Variants in TRIT1 observed in about 807,000 individuals in gnomAD.
TRIT1 encodes tRNA isopentenyltransferase 1, also known as tRNA dimethylallyltransferase.
Under a neutral mutation model 51.2 loss-of-function variants are expected in TRIT1, and 43 were observed. That is an observed-to-expected ratio of 0.84 (90% CI 0.66 to 1.08). The LOEUF is 1.08. TRIT1 is among the 50% of genes least tolerant of loss of function. The probability of loss-of-function intolerance (pLI) is 0.00; values close to 1 mark genes in which losing one functional copy is unlikely to be tolerated. For synonymous variants in TRIT1, 184 were observed against 203.9 expected (o/e 0.90, Z 0.83); for missense variants, 528 against 578.4 (o/e 0.91, Z 0.89).
chr1:39,846,393 A>G (rs1269056624), intron 8 of TRIT1, among the ~76,000 whole-genome samples: 2 of 152,262 alleles, frequency 1.3e-5, no homozygotes, highest in Non-Finnish European at 2.9e-5. Flanking sequence ...TCCACAAGAT[A>G]AAACTGAAGT....
intron 1 of TRIT1, among the ~76,000 whole-genome samples, chr1:39,861,313 CA>C (rs369698149): frequency 3.4e-3 from 524 of 152,156 alleles, no homozygotes; most frequent in African/African-American, 0.012. Flanking sequence ...CCCAGGAGTT[CA>C]AAATCAACCT....
At chr1:39,866,106 AAGG>A (rs1263699500) in intron 1 of TRIT1, among the ~76,000 whole-genome samples, 7 of 150,594 alleles carry the variant, frequency 4.6e-5, no homozygotes, top group Non-Finnish European at 7.4e-5. Context: ...GGAAGGAAGG[AAGG>A]AAGGAAGGAA....
intron 1 of TRIT1, 74 bp downstream of exon 1, chr1:39,883,244 T>C (rs1644318411): frequency 1.3e-6 from 2 of 1,509,688 alleles, no homozygotes; most frequent in African/African-American, 2.8e-5. Context: ...GGTTCACCCT[T>C]TAAGACCTTT....
chr1:39,869,795 G>T (rs1413782163), intron 1 of TRIT1, among the ~76,000 whole-genome samples: 1 of 150,368 alleles, frequency 6.7e-6, no homozygotes. Context: ...CTGCCCGGCC[G>T]CCCCGTCTGA....
At chr1:39,848,210 A>T in intron 5 of TRIT1, 113 bp from the exon 6 acceptor site, 1 of 721,996 alleles carries the variant, frequency 1.4e-6, no homozygotes, top group Non-Finnish European at 2.4e-6. Flanking sequence ...AAACGGAAGA[A>T]AGAATTCAGA....
chr1:39,863,946 C>T (rs750695557), intron 1 of TRIT1, among the ~76,000 whole-genome samples: 3 of 152,096 alleles, frequency 2.0e-5, no homozygotes. Flanking sequence ...GGCTGGGGTG[C>T]AGTGGTGTGA....
At chr1:39,866,030 A>G (rs1643529717) in intron 1 of TRIT1, among the ~76,000 whole-genome samples, 1 of 151,028 alleles carries the variant, frequency 6.6e-6, no homozygotes, top group African/African-American at 2.4e-5. Context: ...AAGAAAGAAA[A>G]GAAAAGAAAA....
In TRIT1 at chr1:39,857,395, A is replaced by G; in HGVS notation, c.197T>C (p.Ile66Thr). The G allele has an allele frequency of 6.2e-7, 1 of 1,614,136 alleles. No individual in the cohort carries two copies. Among genetic ancestry groups the G allele is most frequent in the African/African-American group, 1.3e-5 (1 of 75,050 alleles). The part of the protein sequence containing the change: ...SMQVYEGLDI[I>T]TNKVSAQEQR... Reference sequence around the variant, plus strand: ...CTCTTGGGCAGAAACCTTGTTGGTGATGATGTCTAGGCCTTCATAGACCTA... The same window carrying G: ...CTCTTGGGCAGAAACCTTGTTGGTGGTGATGTCTAGGCCTTCATAGACCTA... The change falls in exon 2 of 11, where the codon ATC (isoleucine) becomes ACC (threonine). Residue 66 changes from isoleucine (I) to threonine (T), a missense_variant. Around this residue, in one of 3 missense-constraint regions of TRIT1, gnomAD observed 468 missense variants for 522.6 expected, o/e 0.90. Coordinates refer to ENST00000316891, the MANE Select transcript of TRIT1 (RefSeq NM_017646.6).
intron 8 of TRIT1, 27 bp from the exon 9 acceptor site, chr1:39,844,667 G>A: frequency 6.5e-7 from 1 of 1,549,544 alleles, no homozygotes; most frequent in Non-Finnish European, 8.9e-7. Flanking sequence ...AAGGTTGTGA[G>A]AGGTCAGCCT....
In TRIT1 at chr1:39,839,740, T is replaced by TA. The variant is rs559550425; in HGVS notation, c.*2003dup. On this transcript the variant is annotated 3_prime_UTR_variant, in exon 11 of 11. Coordinates refer to ENST00000316891, the MANE Select transcript of TRIT1 (RefSeq NM_017646.6). ...TAAATATTAGACACTTTTTTTTTGG[T>TA]AAAAAAGGCCTGATTTCCAATTGCC... Among the ~76,000 whole-genome samples the TA allele has an allele frequency of 4.6e-5, 7 of 152,064 alleles. No homozygotes were observed. The highest frequency in any genetic ancestry group is 7.4e-5 in the Non-Finnish European group (5 of 68,008).
chr1:39,879,816 G>A (rs978927162), intron 1 of TRIT1, among the ~76,000 whole-genome samples: 2 of 143,556 alleles, frequency 1.4e-5, no homozygotes, highest in Admixed American at 7.2e-5. Context: ...AGGTTGCAGT[G>A]AGCCAAGATG....
At position 39,879,882 on chromosome 1, in the gene TRIT1, A is replaced by G. The variant is rs1191157572; in HGVS notation, c.174+3436T>C. Among the ~76,000 whole-genome samples, 5 of 150,366 alleles carry G rather than the reference A, an allele frequency of 3.3e-5. No individual in the cohort carries two copies. The Admixed American group carries it at 3.3e-4, about 10-fold the overall frequency. ...AGCGAAACTCCATCTCAAAAAAAAA[A>G]AAAAAAAAAAAAGGTCAGGCATGGT... On this transcript the variant is annotated intron_variant, in intron 1 of 10. Transcript: ENST00000316891.
intron 1 of TRIT1, among the ~76,000 whole-genome samples, chr1:39,873,589 T>A (rs1040137160): frequency 6.6e-6 from 1 of 152,202 alleles, no homozygotes; most frequent in Non-Finnish European, 1.5e-5. Flanking sequence ...GACTATAATT[T>A]AGTTAATAGT....
chr1:39,842,880 C>T (rs1177883121), intron 10 of TRIT1, among the ~76,000 whole-genome samples: 4 of 151,958 alleles, frequency 2.6e-5, no homozygotes, highest in African/African-American at 9.7e-5. Context: ...AGGCAAAAAA[C>T]GGGCTTCTGG....
chr1:39,881,038 C>G (rs1283887860), intron 1 of TRIT1, among the ~76,000 whole-genome samples: 1 of 151,444 alleles, frequency 6.6e-6, no homozygotes, highest in Non-Finnish European at 1.5e-5. Flanking sequence ...GCCAACATGG[C>G]GAAACTCCGT....
intron 1 of TRIT1, among the ~76,000 whole-genome samples, chr1:39,868,430 G>C (rs1375164842): frequency 1.3e-5 from 2 of 151,568 alleles, no homozygotes; most frequent in East Asian, 3.9e-4. Context: ...ATCATCTGAG[G>C]GCAGGACTTC....
intron 1 of TRIT1, among the ~76,000 whole-genome samples, chr1:39,871,943 G>A (rs888905901): frequency 1.3e-5 from 2 of 152,044 alleles, no homozygotes; most frequent in African/African-American, 4.8e-5. Flanking sequence ...TTGCTTTGTT[G>A]TCCAGGCTAG....
intron 1 of TRIT1, among the ~76,000 whole-genome samples, chr1:39,871,932 C>T (rs1643894459): frequency 1.3e-5 from 2 of 152,138 alleles, no homozygotes; most frequent in African/African-American, 2.4e-5. Flanking sequence ...GGGACAGAGT[C>T]TTGCTTTGTT....
At chr1:39,846,388 A>G (rs1557532549) in intron 8 of TRIT1, among the ~76,000 whole-genome samples, 2 of 152,248 alleles carry the variant, frequency 1.3e-5, no homozygotes, top group South Asian at 2.1e-4. Context: ...ACATGTCCAC[A>G]AGATAAAACT....
Sources: gnomAD v4.1 joint callset for allele counts (sites outside exome capture counted in the v4.1 genomes callset) on GRCh38, gnomAD v4.1.1 for gene constraint, gnomAD v4.1.1 regional missense constraint, MANE v1.5 for transcripts, NCBI Gene and HGNC (gene_info 2026-07-23, HGNC 2026-07-21) for gene names.